The following AGT variants were observed in gnomAD, a reference collection of about 807,000 sequenced individuals.
AGT encodes the protein alpha-1 antiproteinase, antitrypsin.
In AGT, 26 loss-of-function variants were observed where a neutral mutation model predicts 28.1. The ratio of observed to expected loss-of-function variants is 0.92; its 90% CI spans 0.68 to 1.28. The LOEUF (loss-of-function observed/expected upper bound fraction) is 1.28, where lower values mean the gene tolerates loss of function less well. AGT is among the 50% of genes most tolerant of loss of function. The pLI is 0.00. For synonymous variants in AGT, 259 were observed against 259.6 expected (o/e 1.00, Z 0.02); for missense variants, 596 against 592.3 (o/e 1.01, Z -0.06).
chr1:230,710,561 G>A lies in AGT; in HGVS notation c.263C>T (p.Thr88Ile). 1 of 1,614,264 alleles carries A rather than the reference G, an allele frequency of 6.2e-7. No individual in the cohort carries two copies. Among genetic ancestry groups the A allele is most frequent in the Non-Finnish European group, 8.5e-7 (1 of 1,180,044 alleles). ...QLVLVAAKLD[T>I]EDKLRAAMVG... ...CATTGCGGCCCTCAACTTGTCTTCG[G>A]TGTCAAGTTTTGCAGCGACTAGCAC... The change falls in exon 2 of 5, where the codon ACC becomes ATC. Residue 88 changes from threonine (T) to isoleucine (I), a missense_variant. Thr to Ile is a moderately conservative substitution (Grantham distance 89). Coordinates refer to ENST00000366667, the MANE Select transcript of AGT (RefSeq NM_001384479.1).
At chr1:230,740,346 C>T (rs1034588812) in intron 1 of AGT, among the ~76,000 whole-genome samples, 7 of 152,082 alleles carry the variant, frequency 4.6e-5, no homozygotes, top group African/African-American at 1.7e-4. Flanking sequence ...TTGTGACCTG[C>T]CGACCTCCTA....
chr1:230,705,934 G>A lies in AGT; in HGVS notation c.1096C>T (p.Arg366Trp), dbSNP rs201162475. The A allele has an allele frequency of 1.6e-4, 259 of 1,613,864 alleles. No homozygotes were observed. The highest frequency in any genetic ancestry group is 1.8e-4 in the Non-Finnish European group (217 of 1,179,956). The change falls in exon 3 of 5, where the codon CGG (arginine) becomes TGG (tryptophan). Residue 366 changes from arginine to tryptophan, a missense_variant and splice_region_variant. By Grantham distance (101) the Arg-to-Trp change is moderately radical. Coordinates refer to ENST00000366667, the MANE Select transcript of AGT (RefSeq NM_001384479.1). ...SLNWMKKLSPRTIHLTMPQLV... is the reference protein window; with the variant it reads ...SLNWMKKLSPWTIHLTMPQLV... Reference sequence around the variant, plus strand: ...CAGGGGAGACCGGGAGGCTCCTACCGGGGAGATAGTTTCTTCATCCAGTTG... The same window carrying A: ...CAGGGGAGACCGGGAGGCTCCTACCAGGGAGATAGTTTCTTCATCCAGTTG...
At chr1:230,733,556 G>T (rs912794148) in intron 1 of AGT, among the ~76,000 whole-genome samples, 21 of 152,234 alleles carry the variant, frequency 1.4e-4, no homozygotes, top group Admixed American at 2.6e-4. Context: ...CCTGACAGTT[G>T]TCTCATTTGC....
chr1:230,713,923 AC>A (rs1360718989), intron 1 of AGT, among the ~76,000 whole-genome samples, 162 bp downstream of exon 1: 1 of 152,130 alleles, frequency 6.6e-6, no homozygotes, highest in Admixed American at 6.5e-5. Flanking sequence ...CCAGGTGGGC[AC>A]CGAGTGGGGG....
intron 1 of AGT, among the ~76,000 whole-genome samples, chr1:230,729,797 G>A (rs919909561): frequency 6.6e-6 from 1 of 152,104 alleles, no homozygotes; most frequent in African/African-American, 2.4e-5. Flanking sequence ...ATGTCACCCA[G>A]TGTAATGCCT....
At chr1:230,709,572 G>T (rs972441663) in intron 2 of AGT, among the ~76,000 whole-genome samples, 5 of 152,140 alleles carry the variant, frequency 3.3e-5, no homozygotes, top group Non-Finnish European at 5.9e-5. Flanking sequence ...ACCTTCTCAA[G>T]AGATATGAAC....
chr1:230,716,169 T>G (rs11568048), upstream of AGT, among the ~76,000 whole-genome samples: 2,944 of 152,324 alleles, frequency 0.019, 50 homozygotes, highest in South Asian at 0.028. Flanking sequence ...ATCTTCTACG[T>G]AAGGCTTTAA....
At chr1:230,740,989 C>A (rs1212063079) in intron 1 of AGT, among the ~76,000 whole-genome samples, 2 of 152,062 alleles carry the variant, frequency 1.3e-5, no homozygotes, top group African/African-American at 4.8e-5. Context: ...AGAGTAAATT[C>A]CTATCCTGCT....
chr1:230,740,246 T>C (rs1571990023), intron 1 of AGT, among the ~76,000 whole-genome samples: 1 of 152,204 alleles, frequency 6.6e-6, no homozygotes, highest in African/African-American at 2.4e-5. Flanking sequence ...CAGAGGTCAC[T>C]TTCATCGCCA....
intron 1 of AGT, among the ~76,000 whole-genome samples, chr1:230,726,584 TA>T (rs900588200): frequency 1.7e-4 from 26 of 151,470 alleles, no homozygotes; most frequent in African/African-American, 3.9e-4. Flanking sequence ...TTACTATGTT[TA>T]AAAAAAAACA....
Position 230,703,144 on chromosome 1 carries a change from T to C in AGT, c.1428A>G (p.Ala476=), listed in dbSNP as rs779359051. The part of the protein sequence containing the change: ...LGRVANPLST[A] ...ACTGTGTTCTGGGGCCCTGGCCTCA[T>C]GCTGTGCTCAGCGGGTTGGCCACGC... The change falls in exon 5 of 5, where the codon GCA becomes GCG. Residue 476 remains alanine, a synonymous_variant. Transcript: ENST00000366667. 4.3e-6 allele frequency: 7 copies of C among 1,613,612 alleles called. No homozygotes were observed. Among genetic ancestry groups the C allele is most frequent in the Non-Finnish European group, 5.9e-6 (7 of 1,180,034 alleles).
At chr1:230,711,036 A>G (rs1663575304) in intron 1 of AGT, among the ~76,000 whole-genome samples, 183 bp from the exon 2 acceptor site, 1 of 152,238 alleles carries the variant, frequency 6.6e-6, no homozygotes, top group African/African-American at 2.4e-5. Flanking sequence ...ACATGATCCA[A>G]GTGCAAAATG....
intron 1 of AGT, among the ~76,000 whole-genome samples, chr1:230,735,499 TG>T (rs1558295629): frequency 6.6e-6 from 1 of 152,150 alleles, no homozygotes; most frequent in African/African-American, 2.4e-5. Context: ...GTAGGTAAAG[TG>T]GCTTTTTTGT....
chr1:230,711,300 G>A (rs1026401163), intron 1 of AGT, among the ~76,000 whole-genome samples: 1 of 152,068 alleles, frequency 6.6e-6, no homozygotes, highest in Non-Finnish European at 1.5e-5. Flanking sequence ...GACCATGTGG[G>A]GACACAGAGA....
upstream of AGT, among the ~76,000 whole-genome samples, chr1:230,719,340 A>G (rs1401446582): frequency 6.6e-6 from 1 of 151,912 alleles, no homozygotes; most frequent in Non-Finnish European, 1.5e-5. Flanking sequence ...TATAAGATAA[A>G]GTTCTGGGAA....
intron 2 of AGT, among the ~76,000 whole-genome samples, chr1:230,706,443 C>T (rs139577607): frequency 1.3e-3 from 195 of 152,308 alleles, no homozygotes; most frequent in African/African-American, 4.6e-3. Context: ...CTGCAAGACA[C>T]ACAACATGCC....
At chr1:230,740,955 AT>A (rs1306985452) in intron 1 of AGT, among the ~76,000 whole-genome samples, 1 of 152,080 alleles carries the variant, frequency 6.6e-6, no homozygotes, top group African/African-American at 2.4e-5. Flanking sequence ...AAAAATTAGG[AT>A]TTTTTTGGGC....
At position 230,710,800 on chromosome 1, in the gene AGT, C is replaced by T; in HGVS notation, c.24G>A (p.Leu8=). 1 of 1,614,104 alleles carries T rather than the reference C, an allele frequency of 6.2e-7. No homozygotes were observed. Among genetic ancestry groups the T allele is most frequent in the Non-Finnish European group, 8.5e-7 (1 of 1,180,016 alleles). Residue 8 remains leucine (L), a synonymous_variant, in exon 2 of 5, where the codon CTG becomes CTA. Coordinates refer to ENST00000366667, the MANE Select transcript of AGT (RefSeq NM_001384479.1). ...CCAGGAGGCAGAGGATGGTGGCCCTCAGGCTCACACCGGCAGGAGCCATCT... is the reference window on the plus strand; with the variant it reads ...CCAGGAGGCAGAGGATGGTGGCCCTTAGGCTCACACCGGCAGGAGCCATCT... MAPAGVS[L]RATILCLLAW...
intron 3 of AGT, among the ~76,000 whole-genome samples, chr1:230,705,526 C>T (rs928565732): frequency 9.2e-5 from 14 of 152,204 alleles, no homozygotes; most frequent in African/African-American, 2.4e-4. Flanking sequence ...CCCGCTCACG[C>T]GAAGTCCGAA....
Sources: allele counts gnomAD v4.1 joint callset (sites outside exome capture counted in the v4.1 genomes callset), GRCh38; gene constraint gnomAD v4.1.1; transcripts MANE v1.5; gene names NCBI Gene and HGNC (gene_info 2026-07-23, HGNC 2026-07-21).